OPCML: variants seen among roughly 807,000 people sequenced by gnomAD.
OPCML encodes the protein opioid-binding protein/cell adhesion molecule.
Under a neutral mutation model 37.8 loss-of-function variants are expected in OPCML, and 13 were observed. The observed-to-expected ratio is 0.34, with a 90% CI of 0.22 to 0.55. OPCML has a LOEUF of 0.55. OPCML is among the 20% of genes least tolerant of loss of function. The probability of loss-of-function intolerance (pLI) is 0.91; values close to 1 mark genes in which losing one functional copy is unlikely to be tolerated. For synonymous variants in OPCML, 176 were observed against 168.8 expected (o/e 1.04, Z -0.33); for missense variants, 341 against 435.6 (o/e 0.78, Z 1.93).
chr11:132,605,059 A>G (rs1938190456), intron 3 of OPCML, among the ~76,000 whole-genome samples: 1 of 152,204 alleles, frequency 6.6e-6, no homozygotes, highest in Non-Finnish European at 1.5e-5. Context: ...AAGTTAAAAT[A>G]CTAAGAATCA....
In OPCML at chr11:132,793,080, G is replaced by C. The variant is rs143879009; in HGVS notation, c.147-135761C>G. 6.1e-3 allele frequency among the ~76,000 whole-genome samples: 929 copies of C among 152,202 alleles called. 14 individuals are homozygous for C. Among genetic ancestry groups the C allele is most frequent in the African/African-American group, 0.02 (848 of 41,532 alleles). ...ATCGACTGGGGTCCGGGGCGCCTCC[G>C]GCCCCATCATTCTCCCCACTCCTCC... On this transcript the variant is annotated intron_variant, in intron 2 of 7. Coordinates refer to ENST00000524381, the MANE Select transcript of OPCML (RefSeq NM_001012393.5).
At chr11:132,661,281 G>T (rs944762598) in intron 2 of OPCML, among the ~76,000 whole-genome samples, 1 of 152,148 alleles carries the variant, frequency 6.6e-6, no homozygotes, top group African/African-American at 2.4e-5. Flanking sequence ...GGGCAAAGAT[G>T]GTTCACAAGT....
At chr11:133,160,607 C>T (rs1950128522) in intron 1 of OPCML, among the ~76,000 whole-genome samples, 1 of 152,206 alleles carries the variant, frequency 6.6e-6, no homozygotes, top group African/African-American at 2.4e-5. Flanking sequence ...CAGTTTATGC[C>T]CTTGCATCTT....
chr11:132,786,546 T>A (rs1565862785), intron 2 of OPCML, among the ~76,000 whole-genome samples: 1 of 152,180 alleles, frequency 6.6e-6, no homozygotes, highest in Non-Finnish European at 1.5e-5. Flanking sequence ...GTAGAGATAA[T>A]AACATTTACT....
At chr11:133,428,495 TGATA>T (rs1228679691) in intron 1 of OPCML, among the ~76,000 whole-genome samples, 4 of 152,222 alleles carry the variant, frequency 2.6e-5, no homozygotes, top group Non-Finnish European at 5.9e-5. Flanking sequence ...ACAATGTTGC[TGATA>T]GATAGAAATT....
intron 1 of OPCML, among the ~76,000 whole-genome samples, chr11:133,520,137 C>T (rs905159126): frequency 2.6e-5 from 4 of 152,170 alleles, no homozygotes; most frequent in Admixed American, 6.5e-5. Flanking sequence ...AAGAGCTCCC[C>T]TGTCCTCCAG....
Position 133,495,992 on chromosome 11 carries a change from G to A in OPCML, c.61+36272C>T, listed in dbSNP as rs184558210. Among the ~76,000 whole-genome samples, 974 of 152,246 alleles carry A rather than the reference G, an allele frequency of 6.4e-3. 6 individuals are homozygous for A. The highest frequency in any genetic ancestry group is 8.6e-3 in the Non-Finnish European group (586 of 67,986). On this transcript the variant is annotated intron_variant, in intron 1 of 7. Coordinates refer to ENST00000524381, the MANE Select transcript of OPCML (RefSeq NM_001012393.5). ...ACCTTGCCTAAGCCAATGTCTGGAA[G>A]GGTTTTACCAACGTTATCTTCTAGA...
At chr11:132,887,087 C>T (rs1166939996) in intron 2 of OPCML, among the ~76,000 whole-genome samples, 1 of 152,184 alleles carries the variant, frequency 6.6e-6, no homozygotes, top group African/African-American at 2.4e-5. Flanking sequence ...TATAGTCATG[C>T]ACCATATAAC....
intron 1 of OPCML, among the ~76,000 whole-genome samples, chr11:133,039,508 G>A (rs1200284997): frequency 6.6e-6 from 1 of 152,152 alleles, no homozygotes; most frequent in East Asian, 1.9e-4. Context: ...CTCATTTGAA[G>A]AGTGGAGTGT....
chr11:132,857,291 T>A (rs1942094838), intron 2 of OPCML, among the ~76,000 whole-genome samples: 1 of 152,252 alleles, frequency 6.6e-6, no homozygotes, highest in African/African-American at 2.4e-5. Context: ...TGAAGAAATG[T>A]GTGTTGAAAT....
At chr11:132,557,713 C>T (rs1360339359) in intron 3 of OPCML, among the ~76,000 whole-genome samples, 1 of 152,142 alleles carries the variant, frequency 6.6e-6, no homozygotes, top group Non-Finnish European at 1.5e-5. Flanking sequence ...TTGCCAGGCA[C>T]TGAAGTAATA....
chr11:132,826,485 G>A (rs1940346425), intron 2 of OPCML, among the ~76,000 whole-genome samples: 2 of 152,124 alleles, frequency 1.3e-5, no homozygotes, highest in Admixed American at 1.3e-4. Context: ...CAAAGGGGCA[G>A]AGGTGAAAAA....
At chr11:132,569,197 A>G (rs1357827804) in intron 3 of OPCML, among the ~76,000 whole-genome samples, 1 of 152,186 alleles carries the variant, frequency 6.6e-6, no homozygotes, top group Admixed American at 6.5e-5. Flanking sequence ...ATCTATAAAG[A>G]GGTAATCAAA....
chr11:133,452,867 T>G (rs1446915518), intron 1 of OPCML, among the ~76,000 whole-genome samples: 1 of 151,668 alleles, frequency 6.6e-6, no homozygotes, highest in Non-Finnish European at 1.5e-5. Context: ...TGTATAAAAG[T>G]TAAGACTAAC....
rs536507188 is a variant in OPCML, at chr11:133,235,051, G to A, written c.62-292041C>T. Among the ~76,000 whole-genome samples, 257 of 152,084 alleles carry A rather than the reference G, an allele frequency of 1.7e-3. 5 individuals are homozygous for A. The highest frequency in any genetic ancestry group is 0.01 in the Middle Eastern group (3 of 294). On this transcript the variant is annotated intron_variant, in intron 1 of 7. Transcript: ENST00000524381. ...TAATTGAATGACCGACAGCAGTATC[G>A]GAGCTGTGCACCGAGATAAGGGTAA...
intron 1 of OPCML, chr11:133,297,088 T>A (rs549772387): frequency 6.6e-6 from 1 of 152,172 alleles, no homozygotes; most frequent in Non-Finnish European, 1.5e-5. Context: ...GAAGGATGAA[T>A]AGGAACTGGC....
chr11:132,892,670 G>A (rs1232944052), intron 2 of OPCML, among the ~76,000 whole-genome samples: 1 of 152,186 alleles, frequency 6.6e-6, no homozygotes, highest in Non-Finnish European at 1.5e-5. Flanking sequence ...GGGAGGCTGA[G>A]GCAAGAGAAT....
intron 4 of OPCML, among the ~76,000 whole-genome samples, chr11:132,521,969 G>A (rs1270498251): frequency 6.6e-6 from 1 of 152,102 alleles, no homozygotes; most frequent in Non-Finnish European, 1.5e-5. Context: ...CAAGGCAACT[G>A]CCTTCTGCTT....
chr11:133,364,643 T>G (rs956051937), intron 1 of OPCML, among the ~76,000 whole-genome samples: 7 of 152,204 alleles, frequency 4.6e-5, no homozygotes, highest in Non-Finnish European at 8.8e-5. Flanking sequence ...AATATTATTT[T>G]AAGCATCAAA....
Sources: gnomAD v4.1 joint callset for allele counts (sites outside exome capture counted in the v4.1 genomes callset) on GRCh38, gnomAD v4.1.1 for gene constraint, MANE v1.5 for transcripts, NCBI Gene and HGNC (gene_info 2026-07-23, HGNC 2026-07-21) for gene names.